RIF1: variants seen among roughly 807,000 people sequenced by gnomAD.
The protein encoded by RIF1 is replication timing regulatory factor 1, also known as telomere-associated protein RIF1.
A neutral mutation model predicts 247.1 loss-of-function variants in RIF1; 45 were observed. The ratio of observed to expected loss-of-function variants is 0.18; its 90% CI spans 0.14 to 0.23. The LOEUF is 0.23. Ranked by LOEUF, RIF1 falls within the 10% of genes least tolerant of loss-of-function variation. The pLI is 1.00. For synonymous variants in RIF1, 1,087 were observed against 978.8 expected (o/e 1.11, Z -2.06); for missense variants, 2,967 against 2,862.5 (o/e 1.04, Z -0.83).
At chr2:151,513,096 A>T in the RIF1 span, among the ~76,000 whole-genome samples, 1 of 152,192 alleles carries the variant, frequency 6.6e-6, no homozygotes, top group Non-Finnish European at 1.5e-5. Context: ...TCATCAACAG[A>T]TAGTAAGGCA....
In RIF1 at chr2:151,465,127, GAAAAATGTT is replaced by G. The variant is rs536244464; in HGVS notation, c.5608_5616del (p.Lys1870_Val1872del). ...CTGTTGGCCCGTGTTTAGGAGACTC[GAAAAATGTT>G]TCACAGGAATCTTTGGAGACAAAAG... On this transcript the variant is annotated inframe_deletion, in exon 30 of 36. Transcript: ENST00000444746. 586 of 1,612,788 alleles carry G rather than the reference GAAAAATGTT, an allele frequency of 3.6e-4. 2 individuals carry two copies. The African/African-American group carries it at 6.9e-3, about 19-fold the overall frequency.
In RIF1 at chr2:151,480,396, G is replaced by A. The variant is rs1237118442; in HGVS notation, c.*5325G>A. The A allele has an allele frequency of 6.6e-6, 1 of 152,162 alleles. No homozygotes were observed. 9.4% of individuals were successfully genotyped at this position (152,162 alleles called of 1,614,324 possible). On this transcript the variant is annotated 3_prime_UTR_variant, in exon 36 of 36. Transcript: ENST00000444746. ...GTGATGAGTTGAAGAGAATGGAAAA[G>A]GCAGATTGAGCTGGAATTTTAATGC...
rs569117771 is a variant in RIF1 at position 151,490,729 on chromosome 2, A to G, written c.*416-4500A>G. Among the ~76,000 whole-genome samples the G allele has an allele frequency of 2.6e-5, 4 of 152,338 alleles. No homozygotes were observed. In the South Asian group the frequency reaches 8.3e-4, roughly 32 times the overall value. ...TTACGTACATGACCAAAGGTCATGG[A>G]ACAGTTAAGTTGTACAGCCAGGTTT... On this transcript the variant is annotated intron_variant and NMD_transcript_variant, in intron 9 of 13. Coordinates refer to the RIF1 transcript ENST00000454583.
chr2:151,531,616 CACA>C, the RIF1 span, among the ~76,000 whole-genome samples: 2 of 152,190 alleles, frequency 1.3e-5, no homozygotes, highest in East Asian at 3.9e-4. Context: ...CACGCCCGGC[CACA>C]ACAATTCTTT....
At chr2:151,457,085 G>A (rs1247674355) in intron 23 of RIF1, among the ~76,000 whole-genome samples, 1 of 147,940 alleles carries the variant, frequency 6.8e-6, no homozygotes, top group African/African-American at 2.7e-5. Flanking sequence ...CACATTTATA[G>A]GGTTTTTTTT....
chr2:151,467,817 A>T (rs747465758), intron 30 of RIF1, among the ~76,000 whole-genome samples, 183 bp from the exon 31 acceptor site: 1 of 152,088 alleles, frequency 6.6e-6, no homozygotes, highest in Non-Finnish European at 1.5e-5. Flanking sequence ...AATTAGAGTG[A>T]ATTGTGGTAT....
chr2:151,498,368 G>C (rs1400353669), intron 10 of RIF1: 1 of 1,518,108 alleles, frequency 6.6e-7, no homozygotes, highest in Admixed American at 2.0e-5. Flanking sequence ...TGATGAGAAA[G>C]CATCCAGAAC....
rs754723024 is a variant in RIF1 at position 151,436,951 on chromosome 2, G to C, written c.1320G>C (p.Leu440Phe). ...TTGAAATGTTGCTTCATTTCTTGTT[G>C]GGTCCAGAAGCCTTGAGTTTTGCTA... is the stretch of plus-strand genomic sequence containing the variant. ...LGLEMLLHFL[L>F]GPEALSFAKQ... is the part of the protein sequence containing the mutation. The change falls in exon 12 of 36, where the codon TTG becomes TTC. Residue 440 changes from leucine to phenylalanine, a missense_variant. Transcript: ENST00000444746. The C allele has an allele frequency of 1.2e-6, 2 of 1,613,780 alleles. No individual in the cohort carries two copies. The highest frequency in any genetic ancestry group is 2.2e-5 in the South Asian group (2 of 91,022).
intron 9 of RIF1, chr2:151,490,629 A>G: frequency 7.4e-7 from 1 of 1,347,500 alleles, no homozygotes; most frequent in East Asian, 2.5e-5. Flanking sequence ...CATGGTTTTA[A>G]GTACTTTCCC....
intron 9 of RIF1, among the ~76,000 whole-genome samples, chr2:151,431,779 C>CTGAATGAA (rs10681364): frequency 0.31 from 45,662 of 149,498 alleles, 7,518 homozygotes; most frequent in East Asian, 0.53. Context: ...ACTTCCGTCT[C>CTGAATGAA]TGAATGAATG....
Position 151,464,240 on chromosome 2 carries a change from A to C in RIF1, c.4720A>C (p.Asn1574His). The part of the protein sequence containing the change: ...SRKKRSGKWK[N>H]KSNESVDIQD... ...GAAGAAGAGATCTGGAAAATGGAAA[A>C]ACAAAAGCAATGAAAGTGTTGACAT... The change falls in exon 30 of 36, where the codon AAC (asparagine) becomes CAC (histidine). Residue 1574 changes from asparagine to histidine, a missense_variant. Asn to His is a moderately conservative substitution (Grantham distance 68, BLOSUM62 1). This residue lies in a region of RIF1 where 2,028 missense variants were observed against 1,825.6 expected (regional missense o/e 1.11). Coordinates refer to ENST00000444746, the MANE Select transcript of RIF1 (RefSeq NM_018151.5). 1 of 1,613,988 alleles carries C rather than the reference A, an allele frequency of 6.2e-7. No individual in the cohort carries two copies. The highest frequency in any genetic ancestry group is 8.5e-7 in the Non-Finnish European group (1 of 1,179,986).
chr2:151,475,158 A>G lies in RIF1; in HGVS notation c.*87A>G. The G allele has an allele frequency of 1.1e-6, 1 of 924,096 alleles. No individual in the cohort carries two copies. The highest frequency in any genetic ancestry group is 1.4e-5 in the South Asian group (1 of 69,500). 57.2% of individuals were successfully genotyped at this position (924,096 alleles called of 1,614,324 possible). Reference sequence around the variant, plus strand: ...AGTTCTGAAATAATAGCACAATTTCAAAGAAGAGACTCTTTGCAAAGTTGA... The same window carrying G: ...AGTTCTGAAATAATAGCACAATTTCGAAGAAGAGACTCTTTGCAAAGTTGA... On this transcript the variant is annotated 3_prime_UTR_variant, in exon 36 of 36. Coordinates refer to ENST00000444746, the MANE Select transcript of RIF1 (RefSeq NM_018151.5).
intron 14 of RIF1, among the ~76,000 whole-genome samples, chr2:151,439,156 G>T (rs1042188091): frequency 3.9e-5 from 6 of 152,164 alleles, no homozygotes; most frequent in Non-Finnish European, 7.3e-5. Flanking sequence ...AGTGGAAACG[G>T]GTTATATTCT....
Position 151,466,022 on chromosome 2 carries a change from C to G in RIF1, c.6502C>G (p.Arg2168Gly). 6.2e-7 allele frequency: 1 copy of G among 1,613,948 alleles called. No homozygotes were observed. Among genetic ancestry groups the G allele is most frequent in the Non-Finnish European group, 8.5e-7 (1 of 1,179,914 alleles). Residue 2168 changes from arginine (R) to glycine (G), a missense_variant, in exon 30 of 36, where the codon CGC becomes GGC. By Grantham distance (125) the Arg-to-Gly change is moderately radical. Around this residue, in one of 7 missense-constraint regions of RIF1, gnomAD observed 2,028 missense variants for 1,825.6 expected, o/e 1.11. Transcript: ENST00000444746. The part of the protein sequence containing the change: ...ANDSPSGMQT[R>G]CVWSPLASPS... ...TGACAGTCCTAGTGGCATGCAGACA[C>G]GCTGTGTCTGGTCTCCTTTGGCTTC... is the stretch of plus-strand genomic sequence containing the variant.
At position 151,475,289 on chromosome 2, in the gene RIF1, A is replaced by G. The variant is rs745436640; in HGVS notation, c.*218A>G. On this transcript the variant is annotated 3_prime_UTR_variant, in exon 36 of 36. Transcript: ENST00000444746. ...TTCATAATATGTATTCTTGGCTGCTATGCGTGGTTTTTCAGGAAATTTAAT... is the reference window on the plus strand; with the variant it reads ...TTCATAATATGTATTCTTGGCTGCTGTGCGTGGTTTTTCAGGAAATTTAAT... 6 of 491,950 alleles carry G rather than the reference A, an allele frequency of 1.2e-5. No individual in the cohort carries two copies. Among genetic ancestry groups the G allele is most frequent in the Non-Finnish European group, 2.1e-5 (6 of 279,198 alleles). The allele number at this position is 491,950 out of a possible 1,614,324, so 30.5% of individuals were successfully genotyped here. A position where few individuals can be genotyped will look rare whatever the true frequency, so the allele number is the denominator to read the frequency against.
chr2:151,489,925 T>C (rs376082951), intron 9 of RIF1: 8 of 1,432,412 alleles, frequency 5.6e-6, no homozygotes, highest in Non-Finnish European at 6.9e-6. Flanking sequence ...TTTGCACATA[T>C]CAAAAATTAA....
intron 11 of RIF1, among the ~76,000 whole-genome samples, chr2:151,436,462 G>GCCC (rs1691223501): frequency 6.7e-6 from 1 of 150,322 alleles, no homozygotes; most frequent in South Asian, 2.1e-4. Flanking sequence ...AAGTGCTTGA[G>GCCC]CCCAGGAGTT....
chr2:151,527,457 TC>T, the RIF1 span: 1 of 1,543,160 alleles, frequency 6.5e-7, no homozygotes, highest in Non-Finnish European at 8.9e-7. Context: ...GCAGTTACAA[TC>T]GTCTGTGTCT....
exon 11 of RIF1, chr2:151,499,480 A>C: frequency 1.4e-6 from 1 of 700,376 alleles, no homozygotes; most frequent in Non-Finnish European, 2.5e-6. Context: ...ATAAAACTAC[A>C]GACGTCAGAC....
Sources: allele counts gnomAD v4.1 joint callset (sites outside exome capture counted in the v4.1 genomes callset), GRCh38; gene constraint gnomAD v4.1.1; regional missense constraint gnomAD v4.1.1; transcripts MANE v1.5; gene names NCBI Gene and HGNC (gene_info 2026-07-23, HGNC 2026-07-21).